Variants in MICAL2 observed in about 807,000 individuals in gnomAD.
MICAL2 encodes microtubule associated monooxygenase, calponin and LIM domain containing 2.
A neutral mutation model predicts 127.3 loss-of-function variants in MICAL2; 77 were observed. That is an observed-to-expected ratio of 0.60 (90% confidence interval 0.50 to 0.73). The LOEUF (loss-of-function observed/expected upper bound fraction) is 0.73, where lower values mean the gene tolerates loss of function less well. MICAL2 is among the 30% of genes least tolerant of loss of function. The pLI is 0.00. For missense variants in MICAL2, 1,351 were observed against 1,434.4 expected, an observed-to-expected ratio of 0.94 and a Z score of 0.94; for synonymous variants, 570 against 551.1, an observed-to-expected ratio of 1.03 and a Z score of -0.48.
chr11:12,231,806 ACAGGGC>A (rs1858311308), intron 15 of MICAL2, among the ~76,000 whole-genome samples: 1 of 152,190 alleles, frequency 6.6e-6, no homozygotes, highest in Admixed American at 6.5e-5. Context: ...CTGGGCCAGC[ACAGGGC>A]CCTGGAGTAT....
intron 2 of MICAL2, among the ~76,000 whole-genome samples, chr11:12,143,206 G>T (rs1162276172): frequency 6.6e-6 from 1 of 152,190 alleles, no homozygotes; most frequent in African/African-American, 2.4e-5. Context: ...GAGGCAGACG[G>T]TTCTCCAAGG....
intron 34 of MICAL2, among the ~76,000 whole-genome samples, chr11:12,356,875 T>C (rs1413318349): frequency 6.6e-6 from 1 of 152,234 alleles, no homozygotes; most frequent in African/African-American, 2.4e-5. Context: ...TACTGTCTTA[T>C]GTTTATACAT....
downstream of MICAL2, among the ~76,000 whole-genome samples, chr11:12,360,780 G>A (rs1407699058): frequency 6.6e-6 from 1 of 152,180 alleles, no homozygotes; most frequent in Non-Finnish European, 1.5e-5. Context: ...GCTGTGCTCT[G>A]TGGTTTATGG....
chr11:12,325,639 C>T (rs1397394073), intron 31 of MICAL2, among the ~76,000 whole-genome samples: 3 of 152,182 alleles, frequency 2.0e-5, no homozygotes, highest in Admixed American at 1.3e-4. Flanking sequence ...TGTGAGTTCA[C>T]GTGAGCAGAG....
intron 2 of MICAL2, among the ~76,000 whole-genome samples, chr11:12,155,295 A>G (rs973764763): frequency 2.6e-4 from 40 of 152,222 alleles, no homozygotes; most frequent in Middle Eastern, 3.4e-3. Context: ...TTGCATACTC[A>G]CCACACATAC....
chr11:12,286,269 G>T (rs1242215972), intron 2 of MICAL2, among the ~76,000 whole-genome samples: 1 of 152,168 alleles, frequency 6.6e-6, no homozygotes, highest in African/African-American at 2.4e-5. Flanking sequence ...GGTTTGGGGG[G>T]CTCTGTGGGG....
At chr11:12,120,794 G>A (rs544297584) in intron 1 of MICAL2, among the ~76,000 whole-genome samples, 6 of 152,290 alleles carry the variant, frequency 3.9e-5, no homozygotes, top group South Asian at 2.1e-4. Flanking sequence ...TTCTGGGGGC[G>A]GTGTGGGTGT....
At chr11:12,158,136 G>C (rs1359758469) in intron 2 of MICAL2, among the ~76,000 whole-genome samples, 1 of 151,896 alleles carries the variant, frequency 6.6e-6, no homozygotes, top group East Asian at 1.9e-4. Flanking sequence ...GAGTCTTCTG[G>C]ATTTTGGATT....
At chr11:12,358,485 C>T (rs371618246), downstream of MICAL2, 4 of 1,612,082 alleles carry the variant, frequency 2.5e-6, no homozygotes, top group Non-Finnish European at 3.4e-6. Flanking sequence ...CTTGAGGAGG[C>T]CCGTAGTCCC....
chr11:12,249,346 G>A, intron 22 of MICAL2, 100 bp downstream of exon 22: 1 of 705,620 alleles, frequency 1.4e-6, no homozygotes, highest in Non-Finnish European at 2.5e-6. Context: ...ATGATCAGCA[G>A]CAGTACAGTG....
At chr11:12,262,154 C>A in intron 26 of MICAL2, 2 of 1,201,210 alleles carry the variant, frequency 1.7e-6, no homozygotes, top group Non-Finnish European at 2.1e-6. Context: ...GGGGTGGACC[C>A]CCGAGGATGA....
At chr11:12,249,630 C>T (rs934267879) in intron 22 of MICAL2, among the ~76,000 whole-genome samples, 24 of 152,232 alleles carry the variant, frequency 1.6e-4, no homozygotes, top group Admixed American at 2.6e-4. Context: ...TCTAGCCCTA[C>T]GTGTCAAAAG....
chr11:12,189,945 C>G (rs997235410), intron 3 of MICAL2, among the ~76,000 whole-genome samples: 3 of 152,240 alleles, frequency 2.0e-5, no homozygotes, highest in African/African-American at 7.2e-5. Flanking sequence ...ATCTATCATA[C>G]AGTAATCATG....
intron 14 of MICAL2, 67 bp downstream of exon 14, chr11:12,226,437 C>T (rs1377334731): frequency 2.6e-5 from 39 of 1,499,750 alleles, no homozygotes; most frequent in Middle Eastern, 2.2e-4. Context: ...CTGAGTCTGG[C>T]TGCTCCTAAC....
At chr11:12,359,092 T>A (rs1475332026), downstream of MICAL2, 1 of 152,554 alleles carries the variant, frequency 6.6e-6, no homozygotes, top group East Asian at 1.9e-4. Flanking sequence ...TAATATAATA[T>A]ACATAAGCAA....
Position 12,330,896 on chromosome 11 carries a change from A to AGTGT in MICAL2, c.5515+3631_5515+3632insTGTG, listed in dbSNP as rs1461125821. On this transcript the variant is annotated intron_variant, in intron 32 of 34. Transcript: ENST00000646065. ...GAGAGAGAGAGACAGAGAGAGAGAG[A>AGTGT]GAGAGTGTGTGTGTGTGTGTGTGTG... is the stretch of plus-strand genomic sequence containing the variant. Among the ~76,000 whole-genome samples, 130 of 116,822 alleles carry AGTGT rather than the reference A, an allele frequency of 1.1e-3. 2 individuals carry two copies. Among genetic ancestry groups the AGTGT allele is most frequent in the Non-Finnish European group, 2.2e-4 (12 of 54,872 alleles). 76.6% of individuals were successfully genotyped at this position (116,822 alleles called of 152,430 possible). A position where few individuals can be genotyped will look rare whatever the true frequency, so the allele number is the denominator to read the frequency against.
intron 1 of MICAL2, among the ~76,000 whole-genome samples, chr11:12,118,215 C>T (rs966596119): frequency 6.6e-6 from 1 of 152,192 alleles, no homozygotes; most frequent in Non-Finnish European, 1.5e-5. Context: ...TGGTACTCAT[C>T]CCACACATAC....
At chr11:12,195,490 G>A (rs1302161542) in intron 3 of MICAL2, among the ~76,000 whole-genome samples, 2 of 152,110 alleles carry the variant, frequency 1.3e-5, no homozygotes, top group Non-Finnish European at 2.9e-5. Flanking sequence ...GTATTTGGAT[G>A]TCTTGCAGCT....
intron 33 of MICAL2, among the ~76,000 whole-genome samples, chr11:12,352,672 C>T (rs929424824): frequency 2.6e-5 from 4 of 152,140 alleles, no homozygotes; most frequent in Non-Finnish European, 4.4e-5. Context: ...TTTTGGGAAC[C>T]GGATGCCAAG....
Sources: gnomAD v4.1 joint callset for allele counts (sites outside exome capture counted in the v4.1 genomes callset) on GRCh38, gnomAD v4.1.1 for gene constraint, MANE v1.5 for transcripts, NCBI Gene and HGNC (gene_info 2026-07-23, HGNC 2026-07-21) for gene names.